The following CSRNP1 variants were observed in gnomAD, a reference collection of about 807,000 sequenced individuals.
CSRNP1 encodes the protein cysteine/serine-rich nuclear protein 1.
Under a neutral mutation model 25.0 loss-of-function variants are expected in CSRNP1, and 8 were observed. The observed-to-expected ratio is 0.32, with a 90% confidence interval of 0.19 to 0.58. The LOEUF is 0.58. Among genes scored for constraint, CSRNP1 ranks in the 20% least tolerant of loss-of-function variants. CSRNP1 has a pLI of 0.88. For missense variants in CSRNP1, 691 were observed against 773.1 expected (o/e 0.89, Z 1.26); for synonymous variants, 305 against 303.1 (o/e 1.01, Z -0.06).
upstream of CSRNP1, chr3:39,153,868 G>C (rs1006949530): frequency 3.9e-5 from 6 of 152,122 alleles, no homozygotes; most frequent in African/African-American, 1.2e-4. Flanking sequence ...AGGCGCGGAC[G>C]ACTCAAGCCG....
chr3:39,144,922 T>C (rs1386812482), intron 3 of CSRNP1, 75 bp downstream of exon 3: 2 of 1,019,910 alleles, frequency 2.0e-6, no homozygotes, highest in Non-Finnish European at 2.8e-6. Context: ...CACCCACCCC[T>C]GGTACGCCCA....
chr3:39,152,337 G>C (rs972746380), intron 1 of CSRNP1: 2 of 152,642 alleles, frequency 1.3e-5, no homozygotes, highest in Non-Finnish European at 2.9e-5. Flanking sequence ...GCTTAAGTAG[G>C]GAGTGACAAT....
chr3:39,148,060 ATCCTGTAGAGTT>A, intron 1 of CSRNP1, among the ~76,000 whole-genome samples: 1 of 152,140 alleles, frequency 6.6e-6, no homozygotes. Flanking sequence ...AAGTCCCCGA[ATCCTGTAGAGTT>A]TGCTGTCAAC....
rs768820347 is a variant in CSRNP1 at position 39,143,281 on chromosome 3, C to G, written c.1544G>C (p.Ser515Thr). 1.2e-5 allele frequency: 19 copies of G among 1,614,070 alleles called. No individual in the cohort carries two copies. Among genetic ancestry groups the G allele is most frequent in the Non-Finnish European group, 1.5e-5 (18 of 1,180,034 alleles). ...CTGTGATGTGTAGTGAGGCCCCAGACTATAATCTGGCAGAGCCTGGAGTAA... is the reference window on the plus strand; with the variant it reads ...CTGTGATGTGTAGTGAGGCCCCAGAGTATAATCTGGCAGAGCCTGGAGTAA... ...FELLQALPDY[S>T]LGPHYTSQKV... Residue 515 changes from serine to threonine, a missense_variant, in exon 5 of 5, where the codon AGT becomes ACT. Physicochemically the swap from Ser to Thr is moderately conservative, Grantham distance 58. Coordinates refer to ENST00000273153, the MANE Select transcript of CSRNP1 (RefSeq NM_033027.4).
intron 2 of CSRNP1, 116 bp downstream of exon 2, chr3:39,146,362 C>A: frequency 5.4e-6 from 7 of 1,295,114 alleles, no homozygotes; most frequent in Non-Finnish European, 7.3e-6. Flanking sequence ...CTCATGAGAG[C>A]TACCGCCATG....
upstream of CSRNP1, chr3:39,153,632 A>G: frequency 6.7e-6 from 1 of 149,996 alleles, no homozygotes; most frequent in East Asian, 2.0e-4. Flanking sequence ...CCTCCTCGTC[A>G]GTGGAAAACT....
rs189597563 is a variant in CSRNP1, at chr3:39,146,120, C to T, written c.205+358G>A. 1.4e-4 allele frequency among the ~76,000 whole-genome samples: 21 copies of T among 152,300 alleles called. No individual in the cohort carries two copies. The East Asian group carries it at 3.7e-3, about 27-fold the overall frequency. On this transcript the variant is annotated intron_variant, in intron 2 of 4. Coordinates refer to ENST00000273153, the MANE Select transcript of CSRNP1 (RefSeq NM_033027.4). ...GGAGAGGGACCGGCTTGACAGGCCC[C>T]GTGGCAGAGAAGCATGGGGCGGGCG...
chr3:39,153,430 G>A lies in CSRNP1; in HGVS notation c.-41+8C>T. ...GTCCTGCCGGGCCCGAGGCCCCTCG[G>A]CGCTCACCTGCAATCCGGACGCTCG... is the stretch of plus-strand genomic sequence containing the variant. On this transcript the variant is annotated splice_region_variant and intron_variant, in intron 1 of 4. Transcript: ENST00000273153. 3.1e-6 allele frequency: 1 copy of A among 321,800 alleles called. No individual in the cohort carries two copies. Among genetic ancestry groups the A allele is most frequent in the Non-Finnish European group, 6.5e-6 (1 of 154,646 alleles). 19.9% of individuals were successfully genotyped at this position (321,800 alleles called of 1,614,324 possible). A position where few individuals can be genotyped will look rare whatever the true frequency, so the allele number is the denominator to read the frequency against.
Position 39,146,623 on chromosome 3 carries a change from G to A in CSRNP1, c.60C>T (p.Ser20=), listed in dbSNP as rs1158841939. 2.5e-6 allele frequency: 4 copies of A among 1,572,396 alleles called. No homozygotes were observed. The highest frequency in any genetic ancestry group is 2.6e-6 in the Non-Finnish European group (3 of 1,158,538). ...GGCACCCAGAGGAAGAGGAGGAGGA[G>A]GAGACCGAGGAGTTGTCCTCATCCA... The part of the protein sequence containing the change: ...DQLDEDNSSV[S]SSSSSSGCQS... Residue 20 remains serine, a synonymous_variant, in exon 2 of 5, where the codon TCC becomes TCT. Transcript: ENST00000273153.
intron 2 of CSRNP1, among the ~76,000 whole-genome samples, chr3:39,146,144 C>T (rs1282500137): frequency 6.6e-6 from 1 of 152,064 alleles, no homozygotes; most frequent in Non-Finnish European, 1.5e-5. Flanking sequence ...ATGGGGCGGG[C>T]GGGGAACTCC....
At position 39,146,618 on chromosome 3, in the gene CSRNP1, G is replaced by C. The variant is rs773553421; in HGVS notation, c.65C>G (p.Ser22Cys). Reference protein sequence around the residue: ...LDEDNSSVSSSSSSSGCQSRS... With the variant: ...LDEDNSSVSSCSSSSGCQSRS... ...AGACTGGCACCCAGAGGAAGAGGAG[G>C]AGGAGGAGACCGAGGAGTTGTCCTC... Residue 22 changes from serine to cysteine, a missense_variant, in exon 2 of 5, where the codon TCC (serine) becomes TGC (cysteine). By Grantham distance (112) the Ser-to-Cys change is moderately radical. Transcript: ENST00000273153. The C allele has an allele frequency of 6.4e-7, 1 of 1,572,712 alleles. No homozygotes were observed.
At position 39,146,687 on chromosome 3, in the gene CSRNP1, G is replaced by T; in HGVS notation, c.-5C>A. 6.4e-7 allele frequency: 1 copy of T among 1,557,800 alleles called. No individual in the cohort carries two copies. The highest frequency in any genetic ancestry group is 8.7e-7 in the Non-Finnish European group (1 of 1,150,602). On this transcript the variant is annotated 5_prime_UTR_variant, in exon 2 of 5. Transcript: ENST00000273153. ...CCTCTTCAACAGCCCAGTCATGGTG[G>T]TGCCGGACGTGCTCTGGGGTCTGGG...
In CSRNP1 at chr3:39,143,475, T is replaced by C; in HGVS notation, c.1350A>G (p.Thr450=). 1 of 1,614,148 alleles carries C rather than the reference T, an allele frequency of 6.2e-7. No individual in the cohort carries two copies. Among genetic ancestry groups the C allele is most frequent in the Non-Finnish European group, 8.5e-7 (1 of 1,179,968 alleles). ...TGGCATTCTCATCCAGGACGCCTGA[T>C]GTGAAGCTACAGCCAGAATAGCTGT... ...WTHSYSGCSF[T]SGVLDENANL... Residue 450 remains threonine, a synonymous_variant, in exon 5 of 5, where the codon ACA becomes ACG. Transcript: ENST00000273153.
rs755787292 is a variant in CSRNP1, at chr3:39,145,233, G to T, written c.229C>A (p.Arg77Ser). The T allele has an allele frequency of 1.2e-6, 2 of 1,606,582 alleles. No individual in the cohort carries two copies. ...FTPLSILKRARRERPGRVAFD... is the reference protein window; with the variant it reads ...FTPLSILKRASRERPGRVAFD... ...GCTACACGGCCTGGGCGCTCCCGGC[G>T]AGCCCGCTTCAGGATAGACAGGGCT... Residue 77 changes from arginine to serine, a missense_variant, in exon 3 of 5, where the codon CGC (arginine) becomes AGC (serine). Transcript: ENST00000273153.
At chr3:39,144,534 A>G in intron 3 of CSRNP1, 83 bp from the exon 4 acceptor site, 2 of 1,340,186 alleles carry the variant, frequency 1.5e-6, no homozygotes, top group South Asian at 2.8e-5. Flanking sequence ...AACCCTCCCC[A>G]AGTGCTTACC....
chr3:39,142,998 A>G lies in CSRNP1; in HGVS notation c.*57T>C. ...TGTTACGCAGACTCTGGGGAGCCCC[A>G]TAATTACAAGAAAGCAGCAACAGGT... On this transcript the variant is annotated 3_prime_UTR_variant, in exon 5 of 5. Transcript: ENST00000273153. 1 of 1,517,456 alleles carries G rather than the reference A, an allele frequency of 6.6e-7. No individual in the cohort carries two copies. The highest frequency in any genetic ancestry group is 2.3e-5 in the East Asian group (1 of 43,990). 94.0% of individuals were successfully genotyped at this position (1,517,456 alleles called of 1,614,324 possible).
chr3:39,147,300 T>TTCCTCC (rs143553069), intron 1 of CSRNP1, among the ~76,000 whole-genome samples: 9 of 151,788 alleles, frequency 5.9e-5, no homozygotes, highest in Admixed American at 1.3e-4. Flanking sequence ...GTGGCTCTGC[T>TTCCTCC]TCCTCCTCCT....
chr3:39,142,380 GA>G lies in CSRNP1; in HGVS notation c.*674del, dbSNP rs1323969711. Reference sequence around the variant, plus strand: ...GCCCAGGCTCTCCCCCTGCCTAGATGATGTCCTTGGCCAGCACCTGCCCACA... The same window carrying G: ...GCCCAGGCTCTCCCCCTGCCTAGATGTGTCCTTGGCCAGCACCTGCCCACA... On this transcript the variant is annotated 3_prime_UTR_variant, in exon 5 of 5. Transcript: ENST00000273153. 1 of 152,880 alleles carries G rather than the reference GA, an allele frequency of 6.5e-6. No individual in the cohort carries two copies. The highest frequency in any genetic ancestry group is 6.5e-5 in the Admixed American group (1 of 15,288). The allele number at this position is 152,880 out of a possible 1,614,324, so 9.5% of individuals were successfully genotyped here. A position where few individuals can be genotyped will look rare whatever the true frequency, so the allele number is the denominator to read the frequency against.
intron 1 of CSRNP1, chr3:39,150,411 A>G (rs2125888510): frequency 6.6e-6 from 1 of 152,386 alleles, no homozygotes; most frequent in Non-Finnish European, 1.5e-5. Context: ...AGCCCTGCAT[A>G]TCGGGTATAG....
Sources: gnomAD v4.1 joint callset for allele counts (sites outside exome capture counted in the v4.1 genomes callset) on GRCh38, gnomAD v4.1.1 for gene constraint, MANE v1.5 for transcripts, NCBI Gene and HGNC (gene_info 2026-07-23, HGNC 2026-07-21) for gene names.